GPD2: variants seen among roughly 807,000 people sequenced by gnomAD.
GPD2 encodes glycerol-3-phosphate dehydrogenase, mitochondrial.
Under a neutral mutation model 82.4 loss-of-function variants are expected in GPD2, and 54 were observed. The observed-to-expected ratio is 0.66, with a 90% CI of 0.53 to 0.82. The LOEUF (loss-of-function observed/expected upper bound fraction) is 0.82, where lower values mean the gene tolerates loss of function less well. Among genes scored for constraint, GPD2 ranks in the 40% least tolerant of loss-of-function variants. The pLI is 0.00. For missense variants in GPD2, 748 were observed against 896.2 expected (o/e 0.83, Z 2.11); for synonymous variants, 288 against 306.1 (o/e 0.94, Z 0.62).
At chr2:156,444,789 C>T (rs1179341772) in intron 1 of GPD2, among the ~76,000 whole-genome samples, 2 of 152,128 alleles carry the variant, frequency 1.3e-5, no homozygotes, top group Non-Finnish European at 2.9e-5. Flanking sequence ...TCTTGCTCTG[C>T]TGCCCAGGCA....
At chr2:156,471,520 T>C (rs1334213073) in intron 1 of GPD2, among the ~76,000 whole-genome samples, 1 of 152,196 alleles carries the variant, frequency 6.6e-6, no homozygotes, top group African/African-American at 2.4e-5. Flanking sequence ...TAGCTGTACA[T>C]CATCTCCAGC....
Position 156,586,156 on chromosome 2 carries a change from A to G in GPD2, c.*3238A>G, listed in dbSNP as rs184011385. The G allele has an allele frequency of 2.0e-5, 3 of 152,512 alleles. No individual in the cohort carries two copies. The highest frequency in any genetic ancestry group is 1.9e-4 in the East Asian group (1 of 5,166). The allele number at this position is 152,512 out of a possible 1,614,324, so 9.4% of individuals were successfully genotyped here. On this transcript the variant is annotated 3_prime_UTR_variant, in exon 17 of 17. Transcript: ENST00000438166. ...TCAATAAAACTGATTAAAATGGTCT[A>G]TTTGCTAGCATTTTGATGTTACTTG...
the GPD2 span, among the ~76,000 whole-genome samples, chr2:156,419,049 CTTTTTTTT>C: frequency 1.3e-5 from 1 of 77,200 alleles, no homozygotes; most frequent in East Asian, 3.8e-4. Context: ...TTCTTTCCTT[CTTTTTTTT>C]TTTTTTTTTT....
intron 6 of GPD2, among the ~76,000 whole-genome samples, chr2:156,538,963 A>G (rs1686195754): frequency 6.6e-6 from 1 of 152,056 alleles, no homozygotes; most frequent in Non-Finnish European, 1.5e-5. Context: ...TTTTGCTTTT[A>G]TAGTTAAAAA....
intron 6 of GPD2, among the ~76,000 whole-genome samples, chr2:156,539,313 A>G (rs1372308300): frequency 1.3e-5 from 2 of 152,176 alleles, no homozygotes; most frequent in Admixed American, 6.5e-5. Flanking sequence ...GACTCTGATG[A>G]GGAAAGGGAC....
chr2:156,551,502 C>T (rs1469698138), intron 8 of GPD2, among the ~76,000 whole-genome samples: 1 of 152,090 alleles, frequency 6.6e-6, no homozygotes, highest in Non-Finnish European at 1.5e-5. Flanking sequence ...GGGTGTAGAG[C>T]ATGTGTACTG....
chr2:156,492,298 C>T (rs1475243953), intron 2 of GPD2, among the ~76,000 whole-genome samples: 1 of 150,998 alleles, frequency 6.6e-6, no homozygotes, highest in African/African-American at 2.4e-5. Flanking sequence ...GAACTATAGG[C>T]GTGTGCCACC....
intron 1 of GPD2, among the ~76,000 whole-genome samples, chr2:156,447,955 T>C (rs1251621879): frequency 2.0e-5 from 3 of 152,218 alleles, no homozygotes; most frequent in African/African-American, 7.2e-5. Flanking sequence ...GCATTTCCAC[T>C]TGCATGTCCC....
intron 1 of GPD2, among the ~76,000 whole-genome samples, chr2:156,470,233 C>T (rs1273064858): frequency 1.3e-5 from 2 of 151,628 alleles, no homozygotes; most frequent in African/African-American, 2.4e-5. Flanking sequence ...TTTGCTCTGT[C>T]GCCCAGGCTG....
At chr2:156,445,257 A>C (rs1044570002) in intron 1 of GPD2, among the ~76,000 whole-genome samples, 1 of 152,222 alleles carries the variant, frequency 6.6e-6, no homozygotes, top group African/African-American at 2.4e-5. Flanking sequence ...AAGTTAAGGG[A>C]CTTAAAGCCA....
rs547436852 is a variant in GPD2 at position 156,528,419 on chromosome 2, TTTTATTTATTTA to T, written c.661+14935_661+14946del. Among the ~76,000 whole-genome samples, 6 of 151,462 alleles carry T rather than the reference TTTTATTTATTTA, an allele frequency of 4.0e-5. No homozygotes were observed. In the South Asian group the frequency reaches 1.2e-3, roughly 31 times the overall value. ...TTATGTCAATTTTTTTCTTTTTTTCTTTTATTTATTTATTTATTTATTTTTATTATTATTATA... is the reference window on the plus strand; with the variant it reads ...TTATGTCAATTTTTTTCTTTTTTTCTTTTATTTATTTTTATTATTATTATA... On this transcript the variant is annotated intron_variant, in intron 6 of 16. Coordinates refer to ENST00000438166, the MANE Select transcript of GPD2 (RefSeq NM_000408.5).
In GPD2 at chr2:156,570,219, G is replaced by T; in HGVS notation, c.1608+1G>T. On this transcript the variant is annotated splice_donor_variant, in intron 12 of 16. Transcript: ENST00000438166. LOFTEE classifies it high-confidence loss of function. ...AGAATTTCCATATATTGAAGCAGAG[G>T]TATGTGAATGGTCACATAGGAATTT... 1 of 1,611,520 alleles carries T rather than the reference G, an allele frequency of 6.2e-7. No individual in the cohort carries two copies. The highest frequency in any genetic ancestry group is 8.5e-7 in the Non-Finnish European group (1 of 1,177,950).
chr2:156,511,634 T>G (rs1415549510), intron 4 of GPD2, among the ~76,000 whole-genome samples: 1 of 152,210 alleles, frequency 6.6e-6, no homozygotes, highest in Non-Finnish European at 1.5e-5. Context: ...GGATTTAGAA[T>G]CAGCTAACTT....
At chr2:156,483,630 A>C (rs1683817676) in intron 2 of GPD2, among the ~76,000 whole-genome samples, 1 of 152,280 alleles carries the variant, frequency 6.6e-6, no homozygotes, top group African/African-American at 2.4e-5. Flanking sequence ...CTTGAAGTTC[A>C]AATGAGTATT....
chr2:156,527,608 G>A (rs1487126385), intron 6 of GPD2, among the ~76,000 whole-genome samples: 1 of 152,028 alleles, frequency 6.6e-6, no homozygotes. Context: ...TCACTGGAAA[G>A]TGTTACTAGT....
chr2:156,495,988 A>ATT, intron 2 of GPD2, 56 bp from the exon 3 acceptor site: 1 of 1,344,816 alleles, frequency 7.4e-7, no homozygotes, highest in Non-Finnish European at 1.1e-6. Context: ...ATATTGTAAA[A>ATT]TTTGTTAAAT....
the GPD2 span, among the ~76,000 whole-genome samples, chr2:156,429,318 C>A: frequency 3.9e-5 from 6 of 152,204 alleles, no homozygotes; most frequent in African/African-American, 1.4e-4. Context: ...TTTCAGCTCC[C>A]ACAACAGAAC....
chr2:156,575,923 A>G (rs1200837513), intron 13 of GPD2, among the ~76,000 whole-genome samples: 2 of 152,204 alleles, frequency 1.3e-5, no homozygotes, highest in African/African-American at 4.8e-5. Flanking sequence ...GTTAAATTAC[A>G]ATGTTGATGG....
At chr2:156,418,929 C>T in the GPD2 span, among the ~76,000 whole-genome samples, 5 of 151,144 alleles carry the variant, frequency 3.3e-5, no homozygotes, top group African/African-American at 9.7e-5. Context: ...GGATTGCAGG[C>T]GGATAAAGGC....
Sources: gnomAD v4.1 joint callset for allele counts (sites outside exome capture counted in the v4.1 genomes callset) on GRCh38, gnomAD v4.1.1 for gene constraint, MANE v1.5 for transcripts, NCBI Gene and HGNC (gene_info 2026-07-23, HGNC 2026-07-21) for gene names.